The following CXADR variants were observed in gnomAD, a reference collection of about 807,000 sequenced individuals.
CXADR encodes CXADR cell adhesion molecule, also known as coxsackievirus and adenovirus receptor.
Under a neutral mutation model 40.3 loss-of-function variants are expected in CXADR, and 20 were observed. That is an observed-to-expected ratio of 0.50 (90% CI 0.35 to 0.72). The LOEUF (loss-of-function observed/expected upper bound fraction) is 0.72, where lower values mean the gene tolerates loss of function less well. Among genes scored for constraint, CXADR ranks in the 30% least tolerant of loss-of-function variants. The pLI, the probability that CXADR is intolerant of heterozygous loss-of-function variation, is 0.01. For missense variants in CXADR, 332 were observed against 449.1 expected (o/e 0.74, Z 2.36); for synonymous variants, 150 against 161.3 (o/e 0.93, Z 0.53).
chr21:17,564,218 C>T (rs554709456), intron 6 of CXADR, among the ~76,000 whole-genome samples: 2 of 150,472 alleles, frequency 1.3e-5, no homozygotes, highest in Admixed American at 1.3e-4. Flanking sequence ...GGCGGCCAGG[C>T]GCAGTGACTC....
At chr21:17,588,051 T>C (rs1013829835) in intron 7 of CXADR, among the ~76,000 whole-genome samples, 14 of 152,262 alleles carry the variant, frequency 9.2e-5, no homozygotes, top group African/African-American at 3.1e-4. Flanking sequence ...TGTAGATATG[T>C]GGCGTTATTT....
intron 7 of CXADR, among the ~76,000 whole-genome samples, chr21:17,580,463 C>G (rs557666426): frequency 2.0e-5 from 3 of 152,138 alleles, no homozygotes; most frequent in African/African-American, 7.2e-5. Context: ...GGTAAAAATA[C>G]AAAAGTTAGC....
At chr21:17,586,652 A>G (rs75981671) in intron 7 of CXADR, among the ~76,000 whole-genome samples, 7,917 of 151,862 alleles carry the variant, frequency 0.052, 287 homozygotes, top group Middle Eastern at 0.11. Context: ...TTTGGAATCT[A>G]TTTTTATGGT....
intron 1 of CXADR, among the ~76,000 whole-genome samples, chr21:17,538,825 T>A (rs1418742681): frequency 1.3e-5 from 2 of 151,716 alleles, no homozygotes; most frequent in African/African-American, 4.8e-5. Context: ...TTCAAAAAAA[T>A]AGATAAATAA....
At chr21:17,525,300 A>C (rs2123138115) in intron 1 of CXADR, among the ~76,000 whole-genome samples, 1 of 152,348 alleles carries the variant, frequency 6.6e-6, no homozygotes, top group South Asian at 2.1e-4. Context: ...GTATGTTAAG[A>C]TTTTAAGAAG....
intron 7 of CXADR, among the ~76,000 whole-genome samples, chr21:17,579,937 G>T (rs890163547): frequency 6.6e-6 from 1 of 151,702 alleles, no homozygotes; most frequent in Non-Finnish European, 1.5e-5. Flanking sequence ...AGAGGACTTG[G>T]GTGCATCTAA....
intron 5 of CXADR, among the ~76,000 whole-genome samples, 179 bp downstream of exon 5, chr21:17,561,003 A>AT (rs2061110989): frequency 6.6e-6 from 1 of 152,194 alleles, no homozygotes; most frequent in African/African-American, 2.4e-5. Flanking sequence ...CATAATTGCA[A>AT]TGATATATTA....
intron 3 of CXADR, among the ~76,000 whole-genome samples, chr21:17,554,117 A>G (rs2061004453): frequency 6.6e-6 from 1 of 152,210 alleles, no homozygotes; most frequent in Non-Finnish European, 1.5e-5. Context: ...GGACAGTTAC[A>G]CTGGGATTAA....
At chr21:17,534,789 C>CTTTTTTT (rs11427595) in intron 1 of CXADR, among the ~76,000 whole-genome samples, 1 of 131,928 alleles carries the variant, frequency 7.6e-6, no homozygotes, top group Non-Finnish European at 1.6e-5. Flanking sequence ...TATTTTCTTC[C>CTTTTTTT]TTTTTTTTTT....
the CXADR span, among the ~76,000 whole-genome samples, chr21:17,616,928 G>A: frequency 6.6e-6 from 1 of 152,080 alleles, no homozygotes; most frequent in African/African-American, 2.4e-5. Context: ...AAGAAAATTT[G>A]CAATCTTCAT....
the CXADR span, among the ~76,000 whole-genome samples, chr21:17,599,623 G>A: frequency 1.3e-5 from 2 of 152,064 alleles, no homozygotes; most frequent in Non-Finnish European, 2.9e-5. Flanking sequence ...GGGATTACAG[G>A]TGCCCACCAC....
chr21:17,559,181 A>C (rs1479700031), intron 4 of CXADR, 50 bp downstream of exon 4: 2 of 1,584,976 alleles, frequency 1.3e-6, no homozygotes, highest in Non-Finnish European at 1.7e-6. Flanking sequence ...TTGGACTAAG[A>C]TCTAGTAGGG....
chr21:17,542,093 T>C (rs2060837576), intron 1 of CXADR: 1 of 319,250 alleles, frequency 3.1e-6, no homozygotes, highest in Non-Finnish European at 6.1e-6. Context: ...TCTTCTTCCA[T>C]AGCTTTTGTG....
chr21:17,600,536 T>C, the CXADR span, among the ~76,000 whole-genome samples: 1 of 152,148 alleles, frequency 6.6e-6, no homozygotes, highest in Middle Eastern at 3.2e-3. Context: ...AAAATGTACA[T>C]GAGGCTGGGT....
chr21:17,536,966 C>T (rs1158391114), intron 1 of CXADR, among the ~76,000 whole-genome samples: 1 of 152,082 alleles, frequency 6.6e-6, no homozygotes, highest in Non-Finnish European at 1.5e-5. Context: ...CCATGTTGGC[C>T]AGGCTGGTCT....
chr21:17,562,047 G>T (rs2123314195), intron 6 of CXADR, among the ~76,000 whole-genome samples: 1 of 152,262 alleles, frequency 6.6e-6, no homozygotes, highest in South Asian at 2.1e-4. Context: ...TAAATCACAT[G>T]AATGTTTTTG....
At chr21:17,620,485 A>C in the CXADR span, among the ~76,000 whole-genome samples, 1 of 152,192 alleles carries the variant, frequency 6.6e-6, no homozygotes, top group Non-Finnish European at 1.5e-5. Context: ...TCACCTTAAC[A>C]GATATATTAA....
downstream of CXADR, among the ~76,000 whole-genome samples, chr21:17,597,004 A>G (rs560414204): frequency 6.6e-6 from 1 of 152,106 alleles, no homozygotes; most frequent in African/African-American, 2.4e-5. Context: ...AAGATACTAG[A>G]AAGAAGAAAA....
At chr21:17,604,594 T>C in the CXADR span, among the ~76,000 whole-genome samples, 3 of 152,198 alleles carry the variant, frequency 2.0e-5, no homozygotes, top group African/African-American at 7.2e-5. Context: ...AATCTAGGTG[T>C]CTACTTCTTG....
Sources: allele counts gnomAD v4.1 joint callset (sites outside exome capture counted in the v4.1 genomes callset), GRCh38; gene constraint gnomAD v4.1.1; transcripts MANE v1.5; gene names NCBI Gene and HGNC (gene_info 2026-07-23, HGNC 2026-07-21).